KIN: variants seen among roughly 807,000 people sequenced by gnomAD.
KIN encodes the protein Kin17 DNA and RNA binding protein.
Under a neutral mutation model 63.0 loss-of-function variants are expected in KIN, and 47 were observed. The ratio of observed to expected loss-of-function variants is 0.75; its 90% CI spans 0.59 to 0.95. The LOEUF is 0.95. Among genes scored for constraint, KIN ranks in the 40% least tolerant of loss-of-function variants. The pLI is 0.00. For missense variants in KIN, 408 were observed against 460.9 expected (o/e 0.89, Z 1.05); for synonymous variants, 160 against 157.7 (o/e 1.01, Z -0.11).
chr10:7,758,300 C>T lies in KIN; in HGVS notation c.1119+1590G>A, dbSNP rs532006806. On this transcript the variant is annotated intron_variant, in intron 12 of 12. Coordinates refer to ENST00000379562, the MANE Select transcript of KIN (RefSeq NM_012311.4). ...GGCCGGGCTGGTCTCGAACTCCTGACCTCAGGTGATTCGTCCGCCTCAGCC... is the reference window on the plus strand; with the variant it reads ...GGCCGGGCTGGTCTCGAACTCCTGATCTCAGGTGATTCGTCCGCCTCAGCC... 3.9e-5 allele frequency among the ~76,000 whole-genome samples: 6 copies of T among 152,224 alleles called. 1 individual carries two copies. Among genetic ancestry groups the T allele is most frequent in the African/African-American group, 1.4e-4 (6 of 41,550 alleles).
At chr10:7,784,449 T>C (rs1835958356) in intron 1 of KIN, among the ~76,000 whole-genome samples, 1 of 152,054 alleles carries the variant, frequency 6.6e-6, no homozygotes, top group Non-Finnish European at 1.5e-5. Flanking sequence ...TAGCCAGGCA[T>C]GGGTGGTATG....
In KIN at chr10:7,787,907, G is replaced by A; in HGVS notation, c.27C>T (p.Pro9=). 1.2e-6 allele frequency: 2 copies of A among 1,614,038 alleles called. No individual in the cohort carries two copies. Among genetic ancestry groups the A allele is most frequent in the South Asian group, 2.2e-5 (2 of 91,084 alleles). ...ACTTGATCCTGTTGGCGATAGCCTT[G>A]GGAGTAAGAAAATCCGACTTCCCCA... The part of the protein sequence containing the change: MGKSDFLT[P]KAIANRIKSK... Residue 9 remains proline (P), a synonymous_variant, in exon 1 of 13, where the codon CCC becomes CCT. Coordinates refer to ENST00000379562, the MANE Select transcript of KIN (RefSeq NM_012311.4).
intron 5 of KIN, 139 bp downstream of exon 5, chr10:7,778,699 A>T: frequency 1.2e-6 from 1 of 843,442 alleles, no homozygotes; most frequent in Non-Finnish European, 1.9e-6. Context: ...AGATTGCGCT[A>T]CTGCACTCCA....
chr10:7,763,212 C>T (rs930225014), intron 10 of KIN, among the ~76,000 whole-genome samples: 1 of 152,116 alleles, frequency 6.6e-6, no homozygotes, highest in Non-Finnish European at 1.5e-5. Flanking sequence ...GCTGAGATCG[C>T]ACCACTGCAC....
At chr10:7,786,587 G>T (rs1836012917) in intron 1 of KIN, among the ~76,000 whole-genome samples, 1 of 151,546 alleles carries the variant, frequency 6.6e-6, no homozygotes, top group Admixed American at 6.6e-5. Context: ...TGAACAGGGT[G>T]GGACCGTATC....
At chr10:7,771,065 T>C (rs1469011496) in intron 7 of KIN, among the ~76,000 whole-genome samples, 1 of 152,224 alleles carries the variant, frequency 6.6e-6, no homozygotes, top group East Asian at 1.9e-4. Flanking sequence ...ATTTAAACTC[T>C]GGTTCTATTA....
Position 7,751,719 on chromosome 10 carries a change from T to C in KIN, c.*4361A>G, listed in dbSNP as rs1835246391. ...AATAGAAAAATATTAAATATTAGAA[T>C]GCTAATATTCAACATAAACTTCAAA... On this transcript the variant is annotated 3_prime_UTR_variant, in exon 13 of 13. Transcript: ENST00000379562. 6.6e-6 allele frequency: 1 copy of C among 152,214 alleles called. No homozygotes were observed. Among genetic ancestry groups the C allele is most frequent in the South Asian group, 2.1e-4 (1 of 4,838 alleles). 9.4% of individuals were successfully genotyped at this position (152,214 alleles called of 1,614,324 possible).
chr10:7,752,175 A>G lies in KIN; in HGVS notation c.*3905T>C, dbSNP rs1360344580. The G allele has an allele frequency of 6.6e-6, 1 of 152,236 alleles. No homozygotes were observed. Among genetic ancestry groups the G allele is most frequent in the Non-Finnish European group, 1.5e-5 (1 of 68,038 alleles). 9.4% of individuals were successfully genotyped at this position (152,236 alleles called of 1,614,324 possible). On this transcript the variant is annotated 3_prime_UTR_variant, in exon 13 of 13. Coordinates refer to ENST00000379562, the MANE Select transcript of KIN (RefSeq NM_012311.4). ...GAGAGAAAATACTTGCAAAAGACAC[A>G]TTCGATAAAGAACACAACTGAAATA...
At chr10:7,765,013 A>C (rs920137103) in intron 9 of KIN, among the ~76,000 whole-genome samples, 2 of 151,746 alleles carry the variant, frequency 1.3e-5, no homozygotes, top group African/African-American at 2.4e-5. Context: ...TACAAAATTA[A>C]CCGGATGTGG....
intron 4 of KIN, 109 bp from the exon 5 acceptor site, chr10:7,779,128 C>T (rs758855030): frequency 9.3e-6 from 12 of 1,294,336 alleles, no homozygotes; most frequent in Non-Finnish European, 1.3e-5. Flanking sequence ...ACAAATCAGG[C>T]CGAGCGCAGT....
intron 5 of KIN, among the ~76,000 whole-genome samples, chr10:7,776,471 G>A (rs1218976775): frequency 6.6e-6 from 1 of 151,330 alleles, no homozygotes; most frequent in Non-Finnish European, 1.5e-5. Context: ...GAATCCAGGG[G>A]GTGAGTGCTG....
intron 11 of KIN, among the ~76,000 whole-genome samples, chr10:7,761,009 C>G (rs1333410284): frequency 6.6e-6 from 1 of 151,978 alleles, no homozygotes; most frequent in Non-Finnish European, 1.5e-5. Context: ...ATATAAAATT[C>G]TAGAAAAATA....
At chr10:7,757,052 T>C (rs1207747889) in intron 12 of KIN, among the ~76,000 whole-genome samples, 1 of 152,208 alleles carries the variant, frequency 6.6e-6, no homozygotes, top group Non-Finnish European at 1.5e-5. Flanking sequence ...TGTGCCTTAT[T>C]ATCTCCCAGT....
At chr10:7,776,790 C>T (rs1835785746) in intron 5 of KIN, among the ~76,000 whole-genome samples, 1 of 150,292 alleles carries the variant, frequency 6.7e-6, no homozygotes, top group Admixed American at 6.6e-5. Context: ...TGGCTCATGC[C>T]TATAATCCCA....
Position 7,759,909 on chromosome 10 carries a change from G to A in KIN, c.1100C>T (p.Ala367Val), listed in dbSNP as rs145413656. The A allele has an allele frequency of 6.7e-4, 1,040 of 1,542,934 alleles. 2 individuals carry two copies. Among genetic ancestry groups the A allele is most frequent in the Non-Finnish European group, 8.6e-4 (965 of 1,128,152 alleles). The stretch of plus-strand genomic sequence containing the variant: ...ACTTACAGTTTCAATGACGATAGTA[G>A]CTGAAAAAGTCTTCTCATTGATGGA... ...LESINEKTFS[A>V]TIVIETGPLK... is the part of the protein sequence containing the mutation. The change falls in exon 12 of 13, where the codon GCT becomes GTT. Residue 367 changes from alanine to valine, a missense_variant. Physicochemically the swap from Ala to Val is moderately conservative, Grantham distance 64 (BLOSUM62 0). This residue lies in a region of KIN where 298 missense variants were observed against 296.0 expected (regional missense o/e 1.01). Coordinates refer to ENST00000379562, the MANE Select transcript of KIN (RefSeq NM_012311.4).
chr10:7,782,970 A>T (rs1835928405), intron 2 of KIN, 111 bp downstream of exon 2: 1 of 467,182 alleles, frequency 2.1e-6, no homozygotes, highest in Admixed American at 4.0e-5. Context: ...TAGAGAGAAT[A>T]CAGTTAACAT....
At chr10:7,775,888 T>A in intron 5 of KIN, 89 bp from the exon 6 acceptor site, 1 of 734,862 alleles carries the variant, frequency 1.4e-6, no homozygotes, top group Non-Finnish European at 2.3e-6. Context: ...CTACCTGTGT[T>A]CCCAGGCAGC....
chr10:7,753,162 T>G lies in KIN; in HGVS notation c.*2918A>C, dbSNP rs1207217868. 2 of 152,232 alleles carry G rather than the reference T, an allele frequency of 1.3e-5. No individual in the cohort carries two copies. Among genetic ancestry groups the G allele is most frequent in the Admixed American group, 1.3e-4 (2 of 15,288 alleles). The allele number at this position is 152,232 out of a possible 1,614,324, so 9.4% of individuals were successfully genotyped here. A position where few individuals can be genotyped will look rare whatever the true frequency, so the allele number is the denominator to read the frequency against. ...TTTGCTTAGCATAAACTCTATCAAG[T>G]TCTACAGACTCAGAGGGAAAAAACT... On this transcript the variant is annotated 3_prime_UTR_variant, in exon 13 of 13. Transcript: ENST00000379562.
intron 9 of KIN, among the ~76,000 whole-genome samples, chr10:7,764,403 G>A (rs1299931039): frequency 6.6e-6 from 1 of 152,190 alleles, no homozygotes; most frequent in Non-Finnish European, 1.5e-5. Flanking sequence ...TTCAGAGTTT[G>A]CTTCTTTACC....
Sources: gnomAD v4.1 joint callset for allele counts (sites outside exome capture counted in the v4.1 genomes callset) on GRCh38, gnomAD v4.1.1 for gene constraint, gnomAD v4.1.1 regional missense constraint, MANE v1.5 for transcripts, NCBI Gene and HGNC (gene_info 2026-07-23, HGNC 2026-07-21) for gene names.